Variants in DLG2 observed in about 807,000 individuals in gnomAD.
DLG2 encodes discs large MAGUK scaffold protein 2, also known as disks large homolog 2.
Under a neutral mutation model 132.5 loss-of-function variants are expected in DLG2, and 45 were observed. The ratio of observed to expected loss-of-function variants is 0.34; its 90% CI spans 0.27 to 0.44. The LOEUF is 0.44. Among genes scored for constraint, DLG2 ranks in the 20% least tolerant of loss-of-function variants. DLG2 has a pLI of 1.00. For missense variants in DLG2, 1,045 were observed against 1,196.9 expected (o/e 0.87, Z 1.87); for synonymous variants, 424 against 419.6 (o/e 1.01, Z -0.13).
At chr11:84,789,699 C>A (rs1442744118) in intron 6 of DLG2, among the ~76,000 whole-genome samples, 1 of 151,962 alleles carries the variant, frequency 6.6e-6, no homozygotes, top group Non-Finnish European at 1.5e-5. Context: ...TAACCATTAA[C>A]CATCTCTACA....
intron 11 of DLG2, among the ~76,000 whole-genome samples, chr11:84,022,205 A>C (rs549052045): frequency 6.6e-5 from 10 of 152,158 alleles, no homozygotes; most frequent in Non-Finnish European, 1.2e-4. Flanking sequence ...GACTCACAGG[A>C]AAAGCTTGTT....
intron 6 of DLG2, among the ~76,000 whole-genome samples, chr11:84,842,724 G>A (rs1284680402): frequency 6.6e-6 from 1 of 151,850 alleles, no homozygotes; most frequent in African/African-American, 2.4e-5. Context: ...CAATGGAAGA[G>A]AAATATCTAG....
At chr11:83,681,209 A>G (rs1013713464) in intron 18 of DLG2, among the ~76,000 whole-genome samples, 3 of 152,152 alleles carry the variant, frequency 2.0e-5, no homozygotes. Context: ...TTTCCATGAG[A>G]TTTGGACAGA....
intron 6 of DLG2, among the ~76,000 whole-genome samples, chr11:84,674,802 C>T (rs967408874): frequency 4.6e-5 from 7 of 152,132 alleles, no homozygotes; most frequent in Non-Finnish European, 8.8e-5. Context: ...CGTGTGTTCA[C>T]ACGCATATAT....
chr11:84,006,937 T>C (rs1306499600), intron 11 of DLG2, among the ~76,000 whole-genome samples: 2 of 151,908 alleles, frequency 1.3e-5, no homozygotes, highest in East Asian at 3.9e-4. Flanking sequence ...ACACAAAAGA[T>C]GTCTGCAATC....
chr11:84,780,918 C>G (rs898452173), intron 6 of DLG2, among the ~76,000 whole-genome samples: 1 of 144,502 alleles, frequency 6.9e-6, no homozygotes, highest in African/African-American at 2.6e-5. Flanking sequence ...TTGTTTAGAA[C>G]GGCTGAGTAG....
intron 6 of DLG2, among the ~76,000 whole-genome samples, chr11:84,977,914 G>T (rs561746178): frequency 3.9e-5 from 6 of 152,212 alleles, no homozygotes; most frequent in South Asian, 2.1e-4. Context: ...AGACCCATTT[G>T]AATACTCTTC....
intron 7 of DLG2, among the ~76,000 whole-genome samples, chr11:84,375,153 A>G (rs773220392): frequency 6.6e-6 from 1 of 152,230 alleles, no homozygotes; most frequent in Non-Finnish European, 1.5e-5. Context: ...TATTCTCATT[A>G]TAACACTTTT....
intron 21 of DLG2, among the ~76,000 whole-genome samples, chr11:83,486,976 G>GTAAT (rs1177545269): frequency 1.5e-5 from 2 of 137,584 alleles, no homozygotes; most frequent in Non-Finnish European, 3.4e-5. Context: ...TTTTGCTGCT[G>GTAAT]TAATTTTTTT....
intron 5 of DLG2, among the ~76,000 whole-genome samples, chr11:85,152,652 T>A (rs72961554): frequency 6.6e-6 from 1 of 152,176 alleles, no homozygotes; most frequent in African/African-American, 2.4e-5. Flanking sequence ...AACTGAGGCA[T>A]ACAGCTAGTC....
intron 4 of DLG2, among the ~76,000 whole-genome samples, chr11:85,212,216 C>T (rs759267639): frequency 2.2e-4 from 34 of 152,210 alleles, no homozygotes; most frequent in South Asian, 2.1e-4. Context: ...GATTCAGTTG[C>T]TCTTGAGATC....
chr11:85,032,247 C>T (rs2061068077), intron 6 of DLG2, among the ~76,000 whole-genome samples: 1 of 152,090 alleles, frequency 6.6e-6, no homozygotes, highest in Non-Finnish European at 1.5e-5. Flanking sequence ...CTTTCAATTT[C>T]ATTTTAAAGT....
intron 3 of DLG2, among the ~76,000 whole-genome samples, chr11:85,410,962 T>C (rs1165625386): frequency 6.6e-6 from 1 of 151,852 alleles, no homozygotes; most frequent in Admixed American, 6.6e-5. Flanking sequence ...CCACAGCAAG[T>C]TTGCTTCCAG....
chr11:83,971,249 C>A (rs1018338003), intron 12 of DLG2, among the ~76,000 whole-genome samples: 1 of 151,890 alleles, frequency 6.6e-6, no homozygotes, highest in Non-Finnish European at 1.5e-5. Flanking sequence ...ACCACACAGA[C>A]GGGGACATAT....
At chr11:84,966,902 C>T (rs923419782) in intron 6 of DLG2, among the ~76,000 whole-genome samples, 1 of 151,884 alleles carries the variant, frequency 6.6e-6, no homozygotes, top group African/African-American at 2.4e-5. Context: ...GGTTTTTAGT[C>T]TAAGAGACTG....
At chr11:84,841,949 TTATGA>T (rs1259614230) in intron 6 of DLG2, among the ~76,000 whole-genome samples, 2 of 152,006 alleles carry the variant, frequency 1.3e-5, no homozygotes, top group African/African-American at 4.8e-5. Context: ...ATCTTTCTTC[TTATGA>T]TATATTATTT....
At chr11:83,820,629 C>G (rs1454403436) in intron 17 of DLG2, among the ~76,000 whole-genome samples, 1 of 152,072 alleles carries the variant, frequency 6.6e-6, no homozygotes, top group Non-Finnish European at 1.5e-5. Flanking sequence ...TGAAAATATT[C>G]CCTGGAGATA....
intron 15 of DLG2, among the ~76,000 whole-genome samples, chr11:83,910,707 C>T (rs1352627241): frequency 1.3e-5 from 2 of 152,032 alleles, no homozygotes; most frequent in African/African-American, 4.8e-5. Context: ...AAAGATTATT[C>T]AAGGAAAAAG....
At chr11:84,274,753 T>A (rs1174142509) in intron 7 of DLG2, among the ~76,000 whole-genome samples, 2 of 152,212 alleles carry the variant, frequency 1.3e-5, no homozygotes, top group Non-Finnish European at 2.9e-5. Context: ...GGGAAATTGT[T>A]TTTCCTTAGT....
Sources: allele counts gnomAD v4.1 joint callset (sites outside exome capture counted in the v4.1 genomes callset), GRCh38; gene constraint gnomAD v4.1.1; transcripts MANE v1.5; gene names NCBI Gene and HGNC (gene_info 2026-07-23, HGNC 2026-07-21).